MEP1B: variants seen among roughly 807,000 people sequenced by gnomAD.
The protein encoded by MEP1B is N-benzoyl-L-tyrosyl-P-amino-benzoic acid hydrolase subunit beta.
In MEP1B, 80 loss-of-function variants were observed where a neutral mutation model predicts 84.6. The ratio of observed to expected loss-of-function variants is 0.95; its 90% CI spans 0.79 to 1.14. The LOEUF is 1.14. MEP1B is among the 50% of genes most tolerant of loss of function. The pLI is 0.00. For synonymous variants in MEP1B, 273 were observed against 288.1 expected (o/e 0.95, Z 0.53); for missense variants, 766 against 855.1 (o/e 0.90, Z 1.30).
Position 32,192,627 on chromosome 18 carries a change from G to T in MEP1B, c.83-19G>T. The T allele has an allele frequency of 1.2e-6, 2 of 1,609,290 alleles. No individual in the cohort carries two copies. ...TAAACATAATGTTCAATTTTTTGTT[G>T]TTGTTGTTTTAATCAAAGATGTAGA... On this transcript the variant is annotated intron_variant, in intron 2 of 14. Coordinates refer to ENST00000269202, the MANE Select transcript of MEP1B (RefSeq NM_005925.3).
chr18:32,191,937 AAT>A, intron 2 of MEP1B, 97 bp downstream of exon 2: 22 of 725,608 alleles, frequency 3.0e-5, no homozygotes, highest in Non-Finnish European at 4.9e-5. Flanking sequence ...ATTGATGCAT[AAT>A]TGCATTGAAC....
chr18:32,205,088 C>G (rs1487270633), intron 7 of MEP1B, among the ~76,000 whole-genome samples: 2 of 152,190 alleles, frequency 1.3e-5, no homozygotes, highest in Admixed American at 1.3e-4. Flanking sequence ...TCCTGCTATA[C>G]TGCTCTGAGT....
At position 32,219,679 on chromosome 18, in the gene MEP1B, T is replaced by C. The variant is rs564791465; in HGVS notation, c.2092-552T>C. ...ATAAACTTGCTTAGCAAGTAAAAAC[T>C]GGAAGGAGTTAAAGAAAAATGACAA... is the stretch of plus-strand genomic sequence containing the variant. On this transcript the variant is annotated intron_variant, in intron 14 of 14. Coordinates refer to ENST00000269202, the MANE Select transcript of MEP1B (RefSeq NM_005925.3). Among the ~76,000 whole-genome samples, 40 of 152,018 alleles carry C rather than the reference T, an allele frequency of 2.6e-4. No homozygotes were observed. The South Asian group carries it at 6.6e-3, about 25-fold the overall frequency.
chr18:32,192,780 G>A lies in MEP1B; in HGVS notation c.134G>A (p.Gly45Glu), dbSNP rs1260934625. ...TTTTTATCTTTACTCTTAGGTTTGG[G>A]ACTGGATCTTTTTGAGGGTGACATC... The part of the protein sequence containing the change: ...QDIFDINEGL[G>E]LDLFEGDIRL... The change falls in exon 4 of 15, where the codon GGA (glycine) becomes GAA (glutamate). Residue 45 changes from glycine (G) to glutamate (E), a missense_variant. Physicochemically the swap from Gly to Glu is moderately conservative, Grantham distance 98. Coordinates refer to ENST00000269202, the MANE Select transcript of MEP1B (RefSeq NM_005925.3). 6.2e-7 allele frequency: 1 copy of A among 1,612,930 alleles called. No individual in the cohort carries two copies. The highest frequency in any genetic ancestry group is 1.1e-5 in the South Asian group (1 of 91,022).
At position 32,208,137 on chromosome 18, in the gene MEP1B, T is replaced by C; in HGVS notation, c.785T>C (p.Met262Thr). 3 of 1,613,836 alleles carry C rather than the reference T, an allele frequency of 1.9e-6. No homozygotes were observed. Among genetic ancestry groups the C allele is most frequent in the Admixed American group, 1.7e-5 (1 of 60,016 alleles). The change falls in exon 9 of 15, where the codon ATG becomes ACG. Residue 262 changes from methionine (M) to threonine (T), a missense_variant. Met to Thr is a moderately conservative substitution (Grantham distance 81, BLOSUM62 -1). Coordinates refer to ENST00000269202, the MANE Select transcript of MEP1B (RefSeq NM_005925.3). Reference protein sequence around the residue: ...LYNCSSSLSFMDSCSFELENV... With the variant: ...LYNCSSSLSFTDSCSFELENV... ...TTTGTAGCCTCTTCCTTGAGTTTTA[T>C]GGACTCGTGCAGTTTTGAACTGGAA... is the stretch of plus-strand genomic sequence containing the variant.
At chr18:32,219,154 A>C (rs1268710075) in intron 14 of MEP1B, among the ~76,000 whole-genome samples, 1 of 152,268 alleles carries the variant, frequency 6.6e-6, no homozygotes, top group Non-Finnish European at 1.5e-5. Flanking sequence ...CATTTTCTTA[A>C]GAAAAACGAT....
At chr18:32,190,756 T>C (rs907764388) in intron 1 of MEP1B, among the ~76,000 whole-genome samples, 1 of 152,130 alleles carries the variant, frequency 6.6e-6, no homozygotes, top group African/African-American at 2.4e-5. Context: ...TGTTAAAGTG[T>C]AATTAGGAAT....
intron 10 of MEP1B, among the ~76,000 whole-genome samples, chr18:32,212,282 G>T (rs2041036427): frequency 6.6e-6 from 1 of 151,994 alleles, no homozygotes; most frequent in South Asian, 2.1e-4. Context: ...TGTCATTTGG[G>T]TATGTCTAGC....
At chr18:32,204,902 C>T (rs2040949073) in intron 7 of MEP1B, among the ~76,000 whole-genome samples, 1 of 152,148 alleles carries the variant, frequency 6.6e-6, no homozygotes, top group Non-Finnish European at 1.5e-5. Context: ...AGTAGCAAAC[C>T]TACTTCTGCA....
At position 32,215,969 on chromosome 18, in the gene MEP1B, CATATAT is replaced by C. The variant is rs10522884; in HGVS notation, c.1759+753_1759+758del. On this transcript the variant is annotated intron_variant, in intron 12 of 14. Transcript: ENST00000269202. ...ATGTACATACATGCATACATATATG[CATATAT>C]ATATATATATATATATATATATATA... 7.0e-3 allele frequency among the ~76,000 whole-genome samples: 939 copies of C among 134,176 alleles called. 9 individuals carry two copies. Among genetic ancestry groups the C allele is most frequent in the South Asian group, 0.011 (45 of 4,008 alleles). The allele number at this position is 134,176 out of a possible 152,430, so 88.0% of individuals were successfully genotyped here. A position where few individuals can be genotyped will look rare whatever the true frequency, so the allele number is the denominator to read the frequency against.
At chr18:32,205,422 G>A (rs1402152295) in intron 7 of MEP1B, among the ~76,000 whole-genome samples, 1 of 152,156 alleles carries the variant, frequency 6.6e-6, no homozygotes, top group Non-Finnish European at 1.5e-5. Flanking sequence ...GCACTGTGAG[G>A]AGTGCCCTAT....
At chr18:32,197,163 T>A in intron 5 of MEP1B, among the ~76,000 whole-genome samples, 1 of 152,174 alleles carries the variant, frequency 6.6e-6, no homozygotes, top group Non-Finnish European at 1.5e-5. Context: ...CAGTAAATAA[T>A]GTTATTAGTG....
chr18:32,211,540 C>T (rs2041028067), intron 10 of MEP1B, among the ~76,000 whole-genome samples: 1 of 152,112 alleles, frequency 6.6e-6, no homozygotes, highest in East Asian at 1.9e-4. Flanking sequence ...AATTTGCTAT[C>T]AGTCTGGAAA....
At chr18:32,193,253 G>A (rs769065920) in intron 4 of MEP1B, among the ~76,000 whole-genome samples, 14 of 152,056 alleles carry the variant, frequency 9.2e-5, no homozygotes, top group Non-Finnish European at 1.5e-4. Flanking sequence ...AAATAATGTT[G>A]CCAAGTTAAG....
Position 32,194,301 on chromosome 18 carries a change from C to T in MEP1B, c.172-1106C>T, listed in dbSNP as rs888419392. On this transcript the variant is annotated intron_variant, in intron 4 of 14. Coordinates refer to ENST00000269202, the MANE Select transcript of MEP1B (RefSeq NM_005925.3). ...TGTCTTTCTATTTCAGATATTGTTCCCCTATAATCTTTTCCACCCTGTTAC... is the reference window on the plus strand; with the variant it reads ...TGTCTTTCTATTTCAGATATTGTTCTCCTATAATCTTTTCCACCCTGTTAC... Among the ~76,000 whole-genome samples, 4 of 152,092 alleles carry T rather than the reference C, an allele frequency of 2.6e-5. No individual in the cohort carries two copies. The East Asian group carries it at 7.7e-4, about 29-fold the overall frequency.
chr18:32,202,831 TG>T, intron 5 of MEP1B, 61 bp from the exon 6 acceptor site: 1 of 1,016,990 alleles, frequency 9.8e-7, no homozygotes. Flanking sequence ...CCTGCTTCCA[TG>T]GAAGATTTTT....
intron 9 of MEP1B, among the ~76,000 whole-genome samples, chr18:32,208,523 G>A (rs1444046567): frequency 2.6e-5 from 4 of 152,166 alleles, no homozygotes; most frequent in African/African-American, 9.7e-5. Context: ...CGTTCCCATA[G>A]GAGAGTGTAC....
In MEP1B at chr18:32,217,903, T is replaced by G. The variant is rs535983723; in HGVS notation, c.2029T>G (p.Cys677Gly). ...MLIITLVSVY[C>G]TRKKYRERMS... ...GATCATCACCCTTGTCAGTGTCTATTGCACCAGGAAGAAATATCGTGAAAG... is the reference window on the plus strand; with the variant it reads ...GATCATCACCCTTGTCAGTGTCTATGGCACCAGGAAGAAATATCGTGAAAG... The change falls in exon 14 of 15, where the codon TGC (cysteine) becomes GGC (glycine). Residue 677 changes from cysteine to glycine, a missense_variant. By Grantham distance (159) the Cys-to-Gly change is radical. Coordinates refer to ENST00000269202, the MANE Select transcript of MEP1B (RefSeq NM_005925.3). 2 of 1,613,992 alleles carry G rather than the reference T, an allele frequency of 1.2e-6. No individual in the cohort carries two copies. Among genetic ancestry groups the G allele is most frequent in the Non-Finnish European group, 1.7e-6 (2 of 1,179,892 alleles).
intron 5 of MEP1B, among the ~76,000 whole-genome samples, chr18:32,198,616 G>C (rs1450488037): frequency 1.3e-5 from 2 of 152,188 alleles, no homozygotes; most frequent in African/African-American, 2.4e-5. Flanking sequence ...AAAATCCTGA[G>C]CTGGAATTTA....
Sources: allele counts gnomAD v4.1 joint callset (sites outside exome capture counted in the v4.1 genomes callset), GRCh38; gene constraint gnomAD v4.1.1; transcripts MANE v1.5; gene names NCBI Gene and HGNC (gene_info 2026-07-23, HGNC 2026-07-21).